PPTC7: variants seen among roughly 807,000 people sequenced by gnomAD.
PPTC7 encodes protein phosphatase targeting COQ7.
In PPTC7, 6 loss-of-function variants were observed where a neutral mutation model predicts 30.8. The ratio of observed to expected loss-of-function variants is 0.19; its 90% CI spans 0.11 to 0.38. The LOEUF is 0.38. Among genes scored for constraint, PPTC7 ranks in the 10% least tolerant of loss-of-function variants. PPTC7 has a pLI of 1.00. For synonymous variants in PPTC7, 163 were observed against 168.1 expected, an observed-to-expected ratio of 0.97 and a Z score of 0.23; for missense variants, 218 against 404.8, an observed-to-expected ratio of 0.54 and a Z score of 3.96.
chr12:110,540,320 C>G lies in PPTC7; in HGVS notation c.603-375G>C, dbSNP rs1175100342. 2.7e-3 allele frequency among the ~76,000 whole-genome samples: 226 copies of G among 85,228 alleles called. 8 individuals carry two copies. Among genetic ancestry groups the G allele is most frequent in the African/African-American group, 7.7e-3 (206 of 26,644 alleles). 55.9% of individuals were successfully genotyped at this position (85,228 alleles called of 152,430 possible). A position where few individuals can be genotyped will look rare whatever the true frequency, so the allele number is the denominator to read the frequency against. On this transcript the variant is annotated intron_variant, in intron 3 of 5. Coordinates refer to ENST00000354300, the MANE Select transcript of PPTC7 (RefSeq NM_139283.2). ...TACAGCCGAATTCCATCCCCCCCCGCCTTTTTTTTTTTTTTTTTTGGAGAC... is the reference window on the plus strand; with the variant it reads ...TACAGCCGAATTCCATCCCCCCCCGGCTTTTTTTTTTTTTTTTTTGGAGAC...
rs1411739051 is a variant in PPTC7, at chr12:110,583,076, G to A, written c.-45C>T. On this transcript the variant is annotated 5_prime_UTR_variant, in exon 1 of 6. Transcript: ENST00000354300. ...AGGAGGCGGGGGGCCGGGGGAGCAG[G>A]AGGACGCGGAGGCCCGGAGCCGGCT... 18 of 1,326,728 alleles carry A rather than the reference G, an allele frequency of 1.4e-5. No individual in the cohort carries two copies. The highest frequency in any genetic ancestry group is 1.6e-5 in the Non-Finnish European group (17 of 1,041,266). The allele number at this position is 1,326,728 out of a possible 1,614,324, so 82.2% of individuals were successfully genotyped here.
At position 110,534,117 on chromosome 12, in the gene PPTC7, T is replaced by A. The variant is rs2064198871; in HGVS notation, c.*2920A>T. 1.4e-5 allele frequency: 2 copies of A among 147,578 alleles called. No individual in the cohort carries two copies. The highest frequency in any genetic ancestry group is 3.0e-5 in the Non-Finnish European group (2 of 67,144). The allele number at this position is 147,578 out of a possible 1,614,324, so 9.1% of individuals were successfully genotyped here. A position where few individuals can be genotyped will look rare whatever the true frequency, so the allele number is the denominator to read the frequency against. ...CTATGGACTCTACTGCATCTCCATTTGGTAAATTTTTTTTTTTTTTGTGCG... is the reference window on the plus strand; with the variant it reads ...CTATGGACTCTACTGCATCTCCATTAGGTAAATTTTTTTTTTTTTTGTGCG... On this transcript the variant is annotated 3_prime_UTR_variant, in exon 6 of 6. Transcript: ENST00000354300.
chr12:110,568,093 C>A (rs1288534576), intron 1 of PPTC7, among the ~76,000 whole-genome samples: 7 of 151,852 alleles, frequency 4.6e-5, no homozygotes, highest in African/African-American at 1.7e-4. Flanking sequence ...ACACTGACCC[C>A]TATGCCGACC....
At chr12:110,546,303 G>C (rs1484561888) in intron 2 of PPTC7, 1 of 531,772 alleles carries the variant, frequency 1.9e-6, no homozygotes, top group African/African-American at 1.9e-5. Flanking sequence ...ATAGTAATTG[G>C]GCCACAGATG....
At chr12:110,572,539 G>C (rs1418242173) in intron 1 of PPTC7, among the ~76,000 whole-genome samples, 1 of 152,158 alleles carries the variant, frequency 6.6e-6, no homozygotes, top group Non-Finnish European at 1.5e-5. Flanking sequence ...TAATGAATAC[G>C]AGAACAGTGC....
At position 110,535,907 on chromosome 12, in the gene PPTC7, A is replaced by G. The variant is rs1336424792; in HGVS notation, c.*1130T>C. On this transcript the variant is annotated 3_prime_UTR_variant, in exon 6 of 6. Coordinates refer to ENST00000354300, the MANE Select transcript of PPTC7 (RefSeq NM_139283.2). ...CATTAAGCTTGATTCAGAAACCCCT[A>G]AATTTCCATGTGGGGTAATTGTAAA... 2.0e-5 allele frequency: 3 copies of G among 152,638 alleles called. No homozygotes were observed. The South Asian group carries it at 6.2e-4, about 32-fold the overall frequency. The allele number at this position is 152,638 out of a possible 1,614,324, so 9.5% of individuals were successfully genotyped here. A position where few individuals can be genotyped will look rare whatever the true frequency, so the allele number is the denominator to read the frequency against.
intron 3 of PPTC7, 125 bp downstream of exon 3, chr12:110,545,755 G>T (rs541605680): frequency 5.9e-5 from 49 of 828,250 alleles, no homozygotes; most frequent in Non-Finnish European, 8.7e-5. Flanking sequence ...AGGTCCTCTT[G>T]ATGAGAACAT....
intron 4 of PPTC7, among the ~76,000 whole-genome samples, chr12:110,538,932 C>T (rs2064237419): frequency 6.6e-6 from 1 of 152,222 alleles, no homozygotes; most frequent in Non-Finnish European, 1.5e-5. Context: ...TTATTTAGCA[C>T]CCACATTACA....
chr12:110,538,471 G>A (rs1286089734), intron 4 of PPTC7, among the ~76,000 whole-genome samples, 198 bp from the exon 5 acceptor site: 1 of 152,182 alleles, frequency 6.6e-6, no homozygotes, highest in African/African-American at 2.4e-5. Flanking sequence ...GTGGCCTTAA[G>A]CCCTAAAGTT....
Position 110,535,090 on chromosome 12 carries a change from T to C in PPTC7, c.*1947A>G, listed in dbSNP as rs941591383. Reference sequence around the variant, plus strand: ...CTTTACTTTTTAAATACACAGAGACTGCAAATAGTTTGTGCAAAATAAATA... The same window carrying C: ...CTTTACTTTTTAAATACACAGAGACCGCAAATAGTTTGTGCAAAATAAATA... On this transcript the variant is annotated 3_prime_UTR_variant, in exon 6 of 6. Transcript: ENST00000354300. 6.6e-6 allele frequency: 1 copy of C among 152,620 alleles called. No individual in the cohort carries two copies. The highest frequency in any genetic ancestry group is 6.5e-5 in the Admixed American group (1 of 15,276). The allele number at this position is 152,620 out of a possible 1,614,324, so 9.5% of individuals were successfully genotyped here.
chr12:110,563,802 C>A (rs138481226), intron 1 of PPTC7, among the ~76,000 whole-genome samples: 1 of 152,182 alleles, frequency 6.6e-6, no homozygotes, highest in Non-Finnish European at 1.5e-5. Flanking sequence ...CATACACTTA[C>A]ACCTATGTCT....
intron 3 of PPTC7, among the ~76,000 whole-genome samples, chr12:110,541,084 A>T (rs967538216): frequency 6.6e-6 from 1 of 151,128 alleles, no homozygotes; most frequent in African/African-American, 2.4e-5. Flanking sequence ...CGCCAATCTT[A>T]TAAGAATTCA....
intron 1 of PPTC7, among the ~76,000 whole-genome samples, chr12:110,569,037 C>T (rs1002835497): frequency 1.4e-5 from 2 of 145,356 alleles, no homozygotes; most frequent in African/African-American, 5.1e-5. Context: ...TCCCCGCCCC[C>T]CCCCCTCAAA....
At chr12:110,552,353 T>C (rs952100222) in intron 1 of PPTC7, among the ~76,000 whole-genome samples, 1 of 152,220 alleles carries the variant, frequency 6.6e-6, no homozygotes, top group Non-Finnish European at 1.5e-5. Flanking sequence ...TACAATTCAG[T>C]CAGAGCTGGA....
intron 1 of PPTC7, among the ~76,000 whole-genome samples, chr12:110,578,394 T>C (rs994258600): frequency 6.6e-6 from 1 of 152,184 alleles, no homozygotes; most frequent in Non-Finnish European, 1.5e-5. Flanking sequence ...CTGTTGGACC[T>C]AGTAAAGAGA....
chr12:110,542,029 C>G lies in PPTC7; in HGVS notation c.603-2084G>C, dbSNP rs1400866147. On this transcript the variant is annotated intron_variant, in intron 3 of 5. Transcript: ENST00000354300. ...AGCATGGTGGCGTGCGCCTATAATC[C>G]CAGCTACTTGGGAGGCCGACACAGG... Among the ~76,000 whole-genome samples, 3 of 151,808 alleles carry G rather than the reference C, an allele frequency of 2.0e-5. No individual in the cohort carries two copies. The East Asian group carries it at 5.8e-4, about 29-fold the overall frequency.
At chr12:110,537,158 CTTAAA>C (rs1211287085) in intron 5 of PPTC7, 63 bp from the exon 6 acceptor site, 51 of 1,343,114 alleles carry the variant, frequency 3.8e-5, no homozygotes, top group Admixed American at 5.1e-5. Flanking sequence ...AAAATGTGTA[CTTAAA>C]TTAAGTACTA....
intron 1 of PPTC7, among the ~76,000 whole-genome samples, chr12:110,553,604 C>A (rs1426788892): frequency 1.3e-5 from 2 of 151,938 alleles, no homozygotes; most frequent in Non-Finnish European, 2.9e-5. Flanking sequence ...CACAGTGAGT[C>A]CCTGACTCTA....
intron 2 of PPTC7, among the ~76,000 whole-genome samples, chr12:110,548,933 G>C (rs2064331685): frequency 6.6e-6 from 1 of 152,106 alleles, no homozygotes; most frequent in Non-Finnish European, 1.5e-5. Context: ...CTAATATTGG[G>C]AGAAGAGCTA....
Sources: gnomAD v4.1 joint callset for allele counts (sites outside exome capture counted in the v4.1 genomes callset) on GRCh38, gnomAD v4.1.1 for gene constraint, MANE v1.5 for transcripts, NCBI Gene and HGNC (gene_info 2026-07-23, HGNC 2026-07-21) for gene names.